The following ICA1 variants were observed in gnomAD, a reference collection of about 807,000 sequenced individuals.
ICA1 encodes the protein 69 kDa islet cell autoantigen.
In ICA1, 40 loss-of-function variants were observed where a neutral mutation model predicts 71.0. The observed-to-expected ratio is 0.56, with a 90% CI of 0.44 to 0.73. ICA1 has a LOEUF of 0.73. Ranked by LOEUF, ICA1 falls within the 30% of genes least tolerant of loss-of-function variation. The pLI is 0.00. For missense variants in ICA1, 578 were observed against 576.5 expected (o/e 1.00, Z -0.03); for synonymous variants, 207 against 209.5 (o/e 0.99, Z 0.10).
chr7:8,221,101 G>A (rs547269621), intron 5 of ICA1, among the ~76,000 whole-genome samples, 174 bp downstream of exon 5: 36 of 152,230 alleles, frequency 2.4e-4, no homozygotes, highest in South Asian at 1.9e-3. Flanking sequence ...AATCCTATGT[G>A]TTAATCTTAA....
At chr7:8,188,431 C>T (rs1015908167) in intron 6 of ICA1, among the ~76,000 whole-genome samples, 3 of 152,098 alleles carry the variant, frequency 2.0e-5, no homozygotes, top group African/African-American at 4.8e-5. Context: ...ACCTTCATAC[C>T]GACATAATTT....
At chr7:8,247,333 G>A (rs1249829180) in intron 1 of ICA1, among the ~76,000 whole-genome samples, 2 of 152,184 alleles carry the variant, frequency 1.3e-5, no homozygotes, top group East Asian at 1.9e-4. Context: ...GGTGGCACAC[G>A]CCTGTAGTCC....
At chr7:8,125,078 C>T (rs890862712) in intron 13 of ICA1, among the ~76,000 whole-genome samples, 9 of 152,168 alleles carry the variant, frequency 5.9e-5, no homozygotes, top group African/African-American at 2.2e-4. Context: ...TATGAGCCAC[C>T]TTGCCCGGGT....
chr7:8,152,421 C>A (rs1403892995), intron 8 of ICA1, among the ~76,000 whole-genome samples: 1 of 151,932 alleles, frequency 6.6e-6, no homozygotes, highest in Admixed American at 6.6e-5. Flanking sequence ...TATGTCATTA[C>A]TGGAGCCTTT....
intron 6 of ICA1, among the ~76,000 whole-genome samples, chr7:8,212,438 G>A (rs980979846): frequency 1.3e-5 from 2 of 152,086 alleles, no homozygotes; most frequent in African/African-American, 4.8e-5. Context: ...GGTGGCCCGT[G>A]CTTGTAATTC....
chr7:8,232,081 C>T (rs1200060739), intron 3 of ICA1, among the ~76,000 whole-genome samples: 2 of 152,132 alleles, frequency 1.3e-5, no homozygotes, highest in Non-Finnish European at 2.9e-5. Flanking sequence ...AGTGGGCCTT[C>T]TTATATTAAT....
chr7:8,236,221 T>A (rs758831345), intron 1 of ICA1, among the ~76,000 whole-genome samples: 5 of 152,154 alleles, frequency 3.3e-5, no homozygotes, highest in Non-Finnish European at 7.4e-5. Context: ...AACAGGCAGA[T>A]TGAATGAAAA....
intron 6 of ICA1, among the ~76,000 whole-genome samples, chr7:8,172,721 GTTTAA>G (rs1808829842): frequency 6.6e-6 from 1 of 152,136 alleles, no homozygotes; most frequent in African/African-American, 2.4e-5. Context: ...TAAGAACACA[GTTTAA>G]TTTAGTACAT....
rs143674831 is a variant in ICA1, at chr7:8,226,462, G to C, written c.256+2139C>G. Among the ~76,000 whole-genome samples, 1,397 of 152,248 alleles carry C rather than the reference G, an allele frequency of 9.2e-3. 18 individuals carry two copies. The highest frequency in any genetic ancestry group is 0.03 in the African/African-American group (1,257 of 41,546). ...TTTTATATCACCTTCTTGCTTGCAT[G>C]AAGGATAGCATACTATAGATACGCT... On this transcript the variant is annotated intron_variant, in intron 4 of 13. Transcript: ENST00000402384. The surrounding 1 kb of genome is among the most constrained non-coding windows in gnomAD (Gnocchi z 4.4).
intron 6 of ICA1, among the ~76,000 whole-genome samples, chr7:8,183,050 C>A (rs1782706534): frequency 1.3e-5 from 2 of 152,172 alleles, no homozygotes; most frequent in Non-Finnish European, 2.9e-5. Context: ...CCACAACTTT[C>A]CTAAAGACTC....
intron 6 of ICA1, among the ~76,000 whole-genome samples, chr7:8,163,136 A>T (rs1260645144): frequency 1.3e-5 from 2 of 152,210 alleles, no homozygotes; most frequent in Non-Finnish European, 2.9e-5. Context: ...TCAGTTTACC[A>T]GAGAAAGGAG....
chr7:8,141,261 T>C (rs1444810716), intron 10 of ICA1, among the ~76,000 whole-genome samples: 1 of 152,162 alleles, frequency 6.6e-6, no homozygotes, highest in African/African-American at 2.4e-5. Flanking sequence ...TCAGGTTCAG[T>C]TCACCTGAGG....
intron 1 of ICA1, among the ~76,000 whole-genome samples, chr7:8,246,701 A>G (rs1454514197): frequency 6.6e-6 from 1 of 152,340 alleles, no homozygotes; most frequent in East Asian, 1.9e-4. Flanking sequence ...CACTTTGTTC[A>G]GGTTTTCTGT....
chr7:8,141,585 G>C (rs972792671), intron 10 of ICA1, among the ~76,000 whole-genome samples, 180 bp downstream of exon 10: 5 of 152,212 alleles, frequency 3.3e-5, no homozygotes, highest in African/African-American at 1.2e-4. Flanking sequence ...CAGTAATGCT[G>C]TAGGGTTGAC....
At chr7:8,117,925 T>C (rs1005991975) in intron 13 of ICA1, among the ~76,000 whole-genome samples, 1 of 152,226 alleles carries the variant, frequency 6.6e-6, no homozygotes, top group Admixed American at 6.5e-5. Flanking sequence ...ATTTCTTAGT[T>C]TACACTTTCA....
intron 1 of ICA1, among the ~76,000 whole-genome samples, chr7:8,258,099 G>A (rs889701974): frequency 1.3e-5 from 2 of 152,124 alleles, no homozygotes; most frequent in Admixed American, 6.5e-5. Flanking sequence ...CTGTTGGGGT[G>A]GGATGCCCCC....
chr7:8,175,821 A>T (rs1780435579), intron 6 of ICA1, among the ~76,000 whole-genome samples: 1 of 152,160 alleles, frequency 6.6e-6, no homozygotes, highest in African/African-American at 2.4e-5. Flanking sequence ...CAAAATCTCA[A>T]AATAATTATC....
At chr7:8,147,666 T>A in intron 8 of ICA1, among the ~76,000 whole-genome samples, 1 of 145,888 alleles carries the variant, frequency 6.9e-6, no homozygotes, top group African/African-American at 2.6e-5. Flanking sequence ...TTATTAAATA[T>A]TAGAATTTTG....
At chr7:8,139,071 G>C (rs773322705) in intron 10 of ICA1, 24 bp from the exon 11 acceptor site, 1 of 1,583,876 alleles carries the variant, frequency 6.3e-7, no homozygotes, top group Non-Finnish European at 8.7e-7. Context: ...TGTGCAACTG[G>C]TTACCAACAA....
Sources: gnomAD v4.1 joint callset for allele counts (sites outside exome capture counted in the v4.1 genomes callset) on GRCh38, gnomAD v4.1.1 for gene constraint, Gnocchi (gnomAD v3.1) non-coding constraint, MANE v1.5 for transcripts, NCBI Gene and HGNC (gene_info 2026-07-23, HGNC 2026-07-21) for gene names.